Variants in ADAMTS6 observed in about 807,000 individuals in gnomAD.
The protein encoded by ADAMTS6 is A disintegrin and metalloproteinase with thrombospondin motifs 6.
In ADAMTS6, 23 loss-of-function variants were observed where a neutral mutation model predicts 144.3. The observed-to-expected ratio is 0.16, with a 90% CI of 0.11 to 0.23. ADAMTS6 has a LOEUF of 0.23. Ranked by LOEUF, ADAMTS6 falls within the 10% of genes least tolerant of loss-of-function variation. ADAMTS6 has a pLI of 1.00. For missense variants in ADAMTS6, 999 were observed against 1,379.6 expected (o/e 0.72, Z 4.37); for synonymous variants, 444 against 457.5 (o/e 0.97, Z 0.38).
At chr5:65,276,055 T>C (rs1340743385) in intron 11 of ADAMTS6, among the ~76,000 whole-genome samples, 1 of 152,150 alleles carries the variant, frequency 6.6e-6, no homozygotes, top group Non-Finnish European at 1.5e-5. Flanking sequence ...ACTTATTGCA[T>C]CTATCAGGAA....
chr5:65,315,468 C>T (rs924350098), intron 9 of ADAMTS6, among the ~76,000 whole-genome samples: 7 of 152,006 alleles, frequency 4.6e-5, no homozygotes, highest in African/African-American at 1.7e-4. Context: ...AGAAAAGTTA[C>T]ACACATGACA....
At chr5:65,328,692 C>G (rs1746414773) in intron 9 of ADAMTS6, among the ~76,000 whole-genome samples, 1 of 151,774 alleles carries the variant, frequency 6.6e-6, no homozygotes, top group Non-Finnish European at 1.5e-5. Flanking sequence ...AAAGTATTAT[C>G]AAGCTTCTCT....
intron 9 of ADAMTS6, among the ~76,000 whole-genome samples, chr5:65,300,967 A>T (rs1743316515): frequency 6.6e-6 from 1 of 152,194 alleles, no homozygotes; most frequent in Non-Finnish European, 1.5e-5. Context: ...ATAAAAGAGA[A>T]TTTAACACAC....
chr5:65,329,803 T>C (rs1746540088), intron 8 of ADAMTS6, among the ~76,000 whole-genome samples: 1 of 152,168 alleles, frequency 6.6e-6, no homozygotes, highest in Non-Finnish European at 1.5e-5. Flanking sequence ...ATTTCTATTT[T>C]AACATTCTTC....
intron 15 of ADAMTS6, among the ~76,000 whole-genome samples, chr5:65,232,138 A>G (rs1288742381): frequency 6.6e-6 from 1 of 152,132 alleles, no homozygotes; most frequent in Non-Finnish European, 1.5e-5. Context: ...CAACAACAAC[A>G]AAACAAACCA....
At chr5:65,301,114 T>C (rs1021109797) in intron 9 of ADAMTS6, among the ~76,000 whole-genome samples, 1 of 152,204 alleles carries the variant, frequency 6.6e-6, no homozygotes, top group Non-Finnish European at 1.5e-5. Flanking sequence ...CTGTGTTATA[T>C]AGCCATGCTT....
chr5:65,442,026 C>A (rs1757902109), intron 7 of ADAMTS6, among the ~76,000 whole-genome samples: 1 of 148,022 alleles, frequency 6.8e-6, no homozygotes, highest in Non-Finnish European at 1.5e-5. Flanking sequence ...CATAAGGAAC[C>A]ACAAACAAAA....
At chr5:65,215,025 C>G in intron 19 of ADAMTS6, 93 bp from the exon 20 acceptor site, 1 of 1,453,992 alleles carries the variant, frequency 6.9e-7, no homozygotes. Context: ...AATGTCAAAA[C>G]AAGTCTTACA....
intron 7 of ADAMTS6, among the ~76,000 whole-genome samples, chr5:65,400,339 T>G (rs1275283055): frequency 6.6e-6 from 1 of 152,150 alleles, no homozygotes; most frequent in Non-Finnish European, 1.5e-5. Flanking sequence ...GCCTCCTGAA[T>G]AGCTGGGACT....
At chr5:65,466,868 C>G (rs1288150146) in intron 3 of ADAMTS6, among the ~76,000 whole-genome samples, 2 of 152,100 alleles carry the variant, frequency 1.3e-5, no homozygotes, top group African/African-American at 2.4e-5. Context: ...CAGTGAAACC[C>G]CGTCTCTACT....
At chr5:65,421,131 TG>T (rs1485498849) in intron 7 of ADAMTS6, among the ~76,000 whole-genome samples, 3 of 152,238 alleles carry the variant, frequency 2.0e-5, no homozygotes, top group Non-Finnish European at 2.9e-5. Flanking sequence ...CAAGATACTT[TG>T]TTTTTTTCAT....
intron 11 of ADAMTS6, among the ~76,000 whole-genome samples, chr5:65,285,337 C>T (rs986821938): frequency 2.6e-5 from 4 of 152,112 alleles, no homozygotes; most frequent in African/African-American, 7.2e-5. Flanking sequence ...CACAGGCTCT[C>T]GGTCTTCCCA....
intron 7 of ADAMTS6, among the ~76,000 whole-genome samples, chr5:65,375,447 G>A (rs375715159): frequency 0.014 from 2,140 of 151,668 alleles, 29 homozygotes; most frequent in East Asian, 0.081. Context: ...AAAAGTGGGC[G>A]AAGGACATGA....
rs192632222 is a variant in ADAMTS6, at chr5:65,345,674, A to G, written c.1074-11589T>C. ...TAAGAAAGTGTTTTCATTCTTTTAC[A>G]CCATTGGAGTACAATTTATTAGACT... On this transcript the variant is annotated intron_variant, in intron 7 of 24. Coordinates refer to ENST00000381055, the MANE Select transcript of ADAMTS6 (RefSeq NM_197941.4). Among the ~76,000 whole-genome samples the G allele has an allele frequency of 7.2e-5, 11 of 151,902 alleles. No individual in the cohort carries two copies. The East Asian group carries it at 2.1e-3, about 29-fold the overall frequency.
intron 21 of ADAMTS6, among the ~76,000 whole-genome samples, chr5:65,196,437 G>A (rs1396852696): frequency 2.1e-5 from 3 of 142,832 alleles, no homozygotes; most frequent in Non-Finnish European, 3.0e-5. Context: ...GCAGGAGAAT[G>A]GCATGAACCC....
chr5:65,170,777 A>T lies in ADAMTS6; in HGVS notation c.3088-4T>A, dbSNP rs1753568043. The T allele has an allele frequency of 2.5e-6, 4 of 1,607,690 alleles. No homozygotes were observed. The highest frequency in any genetic ancestry group is 3.4e-6 in the Non-Finnish European group (4 of 1,176,232). ...CAAGGCCACACTGAGCAGAACACTAAATCCAAAGACACAAAGAAACAAAAT... is the reference window on the plus strand; with the variant it reads ...CAAGGCCACACTGAGCAGAACACTATATCCAAAGACACAAAGAAACAAAAT... On this transcript the variant is annotated splice_polypyrimidine_tract_variant and splice_region_variant and intron_variant, in intron 23 of 24. Transcript: ENST00000381055.
intron 2 of ADAMTS6, among the ~76,000 whole-genome samples, chr5:65,471,948 G>C (rs1467858576): frequency 6.6e-6 from 1 of 152,046 alleles, no homozygotes; most frequent in Non-Finnish European, 1.5e-5. Flanking sequence ...TAAAAATTTA[G>C]ATGTGAATGC....
intron 7 of ADAMTS6, among the ~76,000 whole-genome samples, chr5:65,432,559 T>C (rs1757076121): frequency 6.6e-6 from 1 of 152,002 alleles, no homozygotes; most frequent in Non-Finnish European, 1.5e-5. Context: ...TCCACACCCC[T>C]GCCAGGAACA....
At chr5:65,337,671 TATA>T (rs1747434847) in intron 7 of ADAMTS6, among the ~76,000 whole-genome samples, 3 of 152,136 alleles carry the variant, frequency 2.0e-5, no homozygotes, top group African/African-American at 4.8e-5. Flanking sequence ...AATTTTATGC[TATA>T]ATAATAATCT....
Sources: gnomAD v4.1 joint callset for allele counts (sites outside exome capture counted in the v4.1 genomes callset) on GRCh38, gnomAD v4.1.1 for gene constraint, MANE v1.5 for transcripts, NCBI Gene and HGNC (gene_info 2026-07-23, HGNC 2026-07-21) for gene names.